SMAGP: variants seen among roughly 807,000 people sequenced by gnomAD.
SMAGP encodes small cell transmembrane and glycosylated protein.
SMAGP carries 7 observed loss-of-function variants against 10.1 expected under a neutral mutation model. That is an observed-to-expected ratio of 0.70 (90% CI 0.40 to 1.31). The LOEUF is 1.31. Among genes scored for constraint, SMAGP ranks in the 50% most tolerant of loss-of-function variants. The pLI is 0.01. For missense variants in SMAGP, 113 were observed against 116.5 expected (o/e 0.97, Z 0.14); for synonymous variants, 49 against 47.2 (o/e 1.04, Z -0.16).
intron 2 of SMAGP, among the ~76,000 whole-genome samples, chr12:51,261,336 T>C (rs983735438): frequency 1.3e-5 from 2 of 150,672 alleles, no homozygotes; most frequent in Non-Finnish European, 3.0e-5. Flanking sequence ...ACCTTGTGAT[T>C]TGCCCACCTC....
At chr12:51,253,241 G>C (rs1944856823) in intron 2 of SMAGP, among the ~76,000 whole-genome samples, 1 of 152,142 alleles carries the variant, frequency 6.6e-6, no homozygotes, top group Admixed American at 6.6e-5. Context: ...CAGGTTCCTA[G>C]ACAGGGAAAT....
At chr12:51,266,887 G>C (rs1354906125) in intron 2 of SMAGP, among the ~76,000 whole-genome samples, 2 of 152,286 alleles carry the variant, frequency 1.3e-5, no homozygotes, top group East Asian at 3.9e-4. Flanking sequence ...AGGCCGAGAA[G>C]GGCAGATCAC....
intron 1 of SMAGP, 73 bp from the exon 2 acceptor site, chr12:51,269,389 AAAGC>A: frequency 1.6e-6 from 2 of 1,254,476 alleles, no homozygotes; most frequent in Non-Finnish European, 1.2e-6. Flanking sequence ...AAGTCCCAGG[AAAGC>A]CTCTGGTGCC....
chr12:51,245,847 G>A lies in SMAGP; in HGVS notation c.*94C>T. On this transcript the variant is annotated 3_prime_UTR_variant, in exon 4 of 4. Transcript: ENST00000603798. ...CTTGGATTTGCCCACATCAATCAAT[G>A]CTTCTCCCTGGCTTCAGAGAAAACT... 7.1e-7 allele frequency: 1 copy of A among 1,415,190 alleles called. No individual in the cohort carries two copies. The highest frequency in any genetic ancestry group is 2.6e-4 in the Middle Eastern group (1 of 3,846). The allele number at this position is 1,415,190 out of a possible 1,614,324, so 87.7% of individuals were successfully genotyped here.
intron 1 of SMAGP, chr12:51,269,561 T>G: frequency 5.2e-6 from 2 of 381,994 alleles, no homozygotes. Context: ...TCCAGGTCCT[T>G]TCAATGGGCC....
intron 1 of SMAGP, chr12:51,270,049 C>G (rs1342957905): frequency 7.3e-5 from 11 of 151,718 alleles, no homozygotes; most frequent in Non-Finnish European, 1.6e-4. Context: ...CCCCGAGCCC[C>G]CCGCGTTACC....
chr12:51,265,974 C>T (rs1351331752), intron 2 of SMAGP, among the ~76,000 whole-genome samples: 6 of 151,696 alleles, frequency 4.0e-5, no homozygotes, highest in East Asian at 2.0e-4. Context: ...CCCAGCTACT[C>T]GGGAAGCTAA....
intron 2 of SMAGP, among the ~76,000 whole-genome samples, chr12:51,267,851 G>C (rs1944989847): frequency 6.6e-6 from 1 of 152,116 alleles, no homozygotes; most frequent in African/African-American, 2.4e-5. Flanking sequence ...TGCATTACCA[G>C]TCACAGAGGA....
intron 2 of SMAGP, among the ~76,000 whole-genome samples, chr12:51,253,176 C>T (rs1022087574): frequency 2.0e-5 from 3 of 152,118 alleles, no homozygotes; most frequent in African/African-American, 7.2e-5. Flanking sequence ...CAGAATGGGA[C>T]TACTGAGAGC....
intron 2 of SMAGP, among the ~76,000 whole-genome samples, chr12:51,267,767 A>T (rs1407081956): frequency 6.6e-6 from 1 of 152,118 alleles, no homozygotes; most frequent in Non-Finnish European, 1.5e-5. Flanking sequence ...CTGGAATTAC[A>T]GGCGTGAGCC....
intron 2 of SMAGP, 112 bp downstream of exon 2, chr12:51,269,133 G>A: frequency 1.7e-6 from 2 of 1,156,086 alleles, no homozygotes; most frequent in South Asian, 2.5e-5. Flanking sequence ...GTGTGAGGCA[G>A]GCAGAGAGAG....
chr12:51,254,530 G>A lies in SMAGP; in HGVS notation c.35-7699C>T, dbSNP rs140786474. ...CCACTGCACTCCAACCTGGGTGACA[G>A]AGAGAGACTCCATCTAAAAAAAAAA... On this transcript the variant is annotated intron_variant, in intron 2 of 3. Transcript: ENST00000603798. 4.6e-3 allele frequency among the ~76,000 whole-genome samples: 697 copies of A among 152,112 alleles called. 5 individuals are homozygous for A. Among genetic ancestry groups the A allele is most frequent in the African/African-American group, 0.016 (672 of 41,486 alleles).
At chr12:51,260,366 T>TG (rs1271402205) in intron 2 of SMAGP, among the ~76,000 whole-genome samples, 89 of 151,656 alleles carry the variant, frequency 5.9e-4, no homozygotes, top group East Asian at 1.8e-3. Flanking sequence ...TGATTGTTTT[T>TG]TTTGTTGTTG....
At chr12:51,248,173 G>A (rs1944797757) in intron 2 of SMAGP, among the ~76,000 whole-genome samples, 1 of 152,112 alleles carries the variant, frequency 6.6e-6, no homozygotes, top group African/African-American at 2.4e-5. Flanking sequence ...GTGGTCTGGT[G>A]GGCCTATGCT....
intron 2 of SMAGP, among the ~76,000 whole-genome samples, chr12:51,256,552 T>C (rs2137302707): frequency 6.6e-6 from 1 of 151,958 alleles, no homozygotes; most frequent in East Asian, 1.9e-4. Flanking sequence ...AGAAACCCCA[T>C]CTCTACTAAA....
At chr12:51,255,299 A>T (rs1944875464) in intron 2 of SMAGP, among the ~76,000 whole-genome samples, 1 of 152,140 alleles carries the variant, frequency 6.6e-6, no homozygotes, top group African/African-American at 2.4e-5. Flanking sequence ...GGCCTCCCAA[A>T]GTGTTGGGAT....
chr12:51,245,918 A>T lies in SMAGP; in HGVS notation c.*23T>A, dbSNP rs751555523. ...CGTGTTAGCGATGGAGCCAGGAATA[A>T]GCTCCTTGGGGCCTGGGAGTCATTA... On this transcript the variant is annotated 3_prime_UTR_variant, in exon 4 of 4. Transcript: ENST00000603798. 3 of 1,602,874 alleles carry T rather than the reference A, an allele frequency of 1.9e-6. No homozygotes were observed. In the South Asian group the frequency reaches 3.3e-5, roughly 18 times the overall value.
chr12:51,252,095 A>AT (rs34168199), intron 2 of SMAGP, among the ~76,000 whole-genome samples: 78,608 of 145,806 alleles, frequency 0.54, 21,792 homozygotes, highest in South Asian at 0.64. Flanking sequence ...TCTACATCAG[A>AT]TTTTTTTTTT....
Position 51,248,434 on chromosome 12 carries a change from ACTCTCTCTCTCTCTCTCT to A in SMAGP, c.35-1621_35-1604del, listed in dbSNP as rs56012746. On this transcript the variant is annotated intron_variant, in intron 2 of 3. Transcript: ENST00000603798. ...CACACACACACACACACACACACAC[ACTCTCTCTCTCTCTCTCT>A]CTCTCTCTCTCTCTCTCTCTCTCTA... Among the ~76,000 whole-genome samples, 610 of 77,556 alleles carry A rather than the reference ACTCTCTCTCTCTCTCTCT, an allele frequency of 7.9e-3. 8 individuals carry two copies. The highest frequency in any genetic ancestry group is 0.029 in the African/African-American group (567 of 19,754). The allele number at this position is 77,556 out of a possible 152,430, so 50.9% of individuals were successfully genotyped here.
Sources: allele counts gnomAD v4.1 joint callset (sites outside exome capture counted in the v4.1 genomes callset), GRCh38; gene constraint gnomAD v4.1.1; transcripts MANE v1.5; gene names NCBI Gene and HGNC (gene_info 2026-07-23, HGNC 2026-07-21).